DLG5: variants seen among roughly 807,000 people sequenced by gnomAD.
DLG5 encodes discs large MAGUK scaffold protein 5.
In DLG5, 48 loss-of-function variants were observed where a neutral mutation model predicts 189.8. That is an observed-to-expected ratio of 0.25 (90% CI 0.20 to 0.32). The LOEUF is 0.32. Ranked by LOEUF, DLG5 falls within the 10% of genes least tolerant of loss-of-function variation. DLG5 has a pLI of 1.00. For missense variants in DLG5, 2,160 were observed against 2,544.7 expected, an observed-to-expected ratio of 0.85 and a Z score of 3.25; for synonymous variants, 1,016 against 1,054.1, an observed-to-expected ratio of 0.96 and a Z score of 0.70.
Position 77,828,885 on chromosome 10 carries a change from A to G in DLG5, c.2286T>C (p.Val762=), listed in dbSNP as rs1408669907. The G allele has an allele frequency of 1.9e-6, 3 of 1,614,134 alleles. No individual in the cohort carries two copies. Among genetic ancestry groups the G allele is most frequent in the South Asian group, 1.1e-5 (1 of 91,070 alleles). Residue 762 remains valine, a synonymous_variant, in exon 13 of 32, where the codon GTT becomes GTC. Transcript: ENST00000372391. Reference sequence around the variant, plus strand: ...TGGCTCCAGCCTTGAGACTTACCGCAACGATCCTGTCTCCCACAGCAAGGG... The same window carrying G: ...TGGCTCCAGCCTTGAGACTTACCGCGACGATCCTGTCTCCCACAGCAAGGG... ...EGSLAVGDRI[V]AINGIALDNK...
chr10:77,819,998 G>A lies in DLG5; in HGVS notation c.3423C>T (p.Ala1141=), dbSNP rs1193940989. Residue 1141 remains alanine (A), a synonymous_variant, in exon 16 of 32, where the codon GCC becomes GCT. Transcript: ENST00000372391. ...GGAGCTCCGGGGAGAGTTCTCCACT[G>A]GCCGGGACACACTTCTGTTCCTGCA... The part of the protein sequence containing the change: ...QFLEEQKCVP[A]SGELSPELQE... 6.2e-7 allele frequency: 1 copy of A among 1,613,446 alleles called. No homozygotes were observed.
At chr10:77,927,400 G>T (rs1351287503), upstream of DLG5, 3 of 152,232 alleles carry the variant, frequency 2.0e-5, no homozygotes, top group African/African-American at 4.8e-5. Context: ...TGGTGGGGAG[G>T]GTTTCCCCTA....
chr10:77,869,003 G>A (rs1844796594), intron 2 of DLG5, 126 bp downstream of exon 2: 13 of 761,248 alleles, frequency 1.7e-5, no homozygotes, highest in South Asian at 6.5e-5. Context: ...TGAAATCAAC[G>A]GAAGGATGAT....
intron 1 of DLG5, among the ~76,000 whole-genome samples, chr10:77,887,029 T>C (rs1564575946): frequency 6.6e-6 from 1 of 152,228 alleles, no homozygotes; most frequent in African/African-American, 2.4e-5. Context: ...TCTGTGATAC[T>C]CTGTATGGCA....
intron 1 of DLG5, among the ~76,000 whole-genome samples, chr10:77,920,122 C>CA (rs1846492652): frequency 6.6e-6 from 1 of 152,202 alleles, no homozygotes; most frequent in Non-Finnish European, 1.5e-5. Flanking sequence ...ACAGAACCCT[C>CA]AGAAACACCA....
chr10:77,894,950 G>A (rs1892389), intron 1 of DLG5, among the ~76,000 whole-genome samples: 2,133 of 152,250 alleles, frequency 0.014, 59 homozygotes, highest in African/African-American at 0.049. Flanking sequence ...TGAGGGGCAG[G>A]GCCACCTTCC....
chr10:77,848,116 T>C (rs1167554191), intron 5 of DLG5, among the ~76,000 whole-genome samples: 4 of 151,902 alleles, frequency 2.6e-5, no homozygotes, highest in Non-Finnish European at 5.9e-5. Context: ...GAGAAATGGG[T>C]GGAAGTTGCA....
intron 14 of DLG5, among the ~76,000 whole-genome samples, chr10:77,822,307 T>C (rs1842410279): frequency 6.6e-6 from 1 of 152,224 alleles, no homozygotes; most frequent in Non-Finnish European, 1.5e-5. Context: ...CTGGTCACTC[T>C]GAACTCAAAG....
At chr10:77,829,652 A>T in intron 11 of DLG5, 122 bp from the exon 12 acceptor site, 1 of 1,210,136 alleles carries the variant, frequency 8.3e-7, no homozygotes. Context: ...ACGCTCAGAA[A>T]ATCTCCTCTT....
At chr10:77,817,600 C>A (rs1369448750) in intron 18 of DLG5, among the ~76,000 whole-genome samples, 177 bp downstream of exon 18, 1 of 152,242 alleles carries the variant, frequency 6.6e-6, no homozygotes, top group African/African-American at 2.4e-5. Context: ...CTGACAGCAG[C>A]ATGGGCATGG....
intron 1 of DLG5, among the ~76,000 whole-genome samples, chr10:77,874,084 C>T (rs1845008904): frequency 6.6e-6 from 1 of 152,246 alleles, no homozygotes; most frequent in South Asian, 2.1e-4. Flanking sequence ...AGGTTTCCAA[C>T]ACGTGCCCCC....
intron 1 of DLG5, among the ~76,000 whole-genome samples, chr10:77,924,269 G>A (rs1257545850): frequency 6.6e-6 from 1 of 152,148 alleles, no homozygotes; most frequent in Non-Finnish European, 1.5e-5. Context: ...TCTGCATTGT[G>A]GTAAAACTGG....
the DLG5 span, among the ~76,000 whole-genome samples, chr10:77,936,690 C>A: frequency 6.6e-6 from 1 of 152,198 alleles, no homozygotes; most frequent in Non-Finnish European, 1.5e-5. Flanking sequence ...CCTCACTTTG[C>A]AAATGAAGAG....
At chr10:77,861,348 A>G (rs904219483) in intron 2 of DLG5, among the ~76,000 whole-genome samples, 1 of 152,244 alleles carries the variant, frequency 6.6e-6, no homozygotes, top group Non-Finnish European at 1.5e-5. Context: ...ACAGAAAAGC[A>G]CCACCAGGCC....
intron 1 of DLG5, among the ~76,000 whole-genome samples, chr10:77,899,153 T>G (rs1346225331): frequency 2.6e-5 from 4 of 152,148 alleles, no homozygotes; most frequent in African/African-American, 9.7e-5. Flanking sequence ...ATCTCCCTAG[T>G]AAGGATGGCA....
At chr10:77,861,628 G>C (rs1844477083) in intron 2 of DLG5, among the ~76,000 whole-genome samples, 1 of 152,222 alleles carries the variant, frequency 6.6e-6, no homozygotes, top group Non-Finnish European at 1.5e-5. Flanking sequence ...ACTGGGTTCT[G>C]TGCTAAAGAC....
intron 24 of DLG5, 122 bp from the exon 25 acceptor site, chr10:77,808,066 G>C: frequency 8.3e-7 from 1 of 1,203,990 alleles, no homozygotes; most frequent in Non-Finnish European, 1.2e-6. Context: ...TGAGACTCTG[G>C]CTACCTCCCC....
chr10:77,799,616 G>A (rs1027669917), intron 27 of DLG5, among the ~76,000 whole-genome samples: 18 of 152,142 alleles, frequency 1.2e-4, no homozygotes, highest in African/African-American at 4.3e-4. Flanking sequence ...TTTTTGGTTT[G>A]TTTTTGTTTT....
chr10:77,844,967 G>A lies in DLG5; in HGVS notation c.865-1261C>T, dbSNP rs572300570. Among the ~76,000 whole-genome samples the A allele has an allele frequency of 2.7e-4, 41 of 152,322 alleles. No homozygotes were observed. In the South Asian group the frequency reaches 8.5e-3, roughly 32 times the overall value. The stretch of plus-strand genomic sequence containing the variant: ...GTAGCAAGAGCCCAATGCACAGGGG[G>A]AGGTGGGTTCAAAGGGGACCTGGAG... On this transcript the variant is annotated intron_variant, in intron 5 of 31. Coordinates refer to ENST00000372391, the MANE Select transcript of DLG5 (RefSeq NM_004747.4).
Sources: gnomAD v4.1 joint callset for allele counts (sites outside exome capture counted in the v4.1 genomes callset) on GRCh38, gnomAD v4.1.1 for gene constraint, MANE v1.5 for transcripts, NCBI Gene and HGNC (gene_info 2026-07-23, HGNC 2026-07-21) for gene names.